Variants in ZNF91 observed in about 807,000 individuals in gnomAD.
The protein encoded by ZNF91 is zinc finger protein 91.
ZNF91 carries 7 observed loss-of-function variants against 12.6 expected under a neutral mutation model. That is an observed-to-expected ratio of 0.55 (90% confidence interval 0.31 to 1.04). ZNF91 has a LOEUF of 1.04. Ranked by LOEUF, ZNF91 falls within the 50% of genes least tolerant of loss-of-function variation. The pLI, the probability that ZNF91 is intolerant of heterozygous loss-of-function variation, is 0.05. For synonymous variants in ZNF91, 453 were observed against 462.6 expected (o/e 0.98, Z 0.27); for missense variants, 1,217 against 1,385.4 (o/e 0.88, Z 1.93).
intron 1 of ZNF91, among the ~76,000 whole-genome samples, chr19:23,317,238 C>T (rs1488952737): frequency 2.6e-5 from 4 of 151,974 alleles, no homozygotes; most frequent in African/African-American, 7.3e-5. Context: ...TTAGTAGAGA[C>T]GGGGTTTCAC....
At chr19:23,350,898 C>T (rs750631367) in intron 3 of ZNF91, among the ~76,000 whole-genome samples, 1 of 152,154 alleles carries the variant, frequency 6.6e-6, no homozygotes, top group Non-Finnish European at 1.5e-5. Flanking sequence ...CCTCAGCCCG[C>T]CTGCACCGAG....
At chr19:23,343,258 C>A (rs994129206) in intron 3 of ZNF91, among the ~76,000 whole-genome samples, 1 of 152,138 alleles carries the variant, frequency 6.6e-6, no homozygotes, top group African/African-American at 2.4e-5. Context: ...TATCAATGAG[C>A]TGCAGATTTT....
At chr19:23,384,469 C>G in intron 1 of ZNF91, 1 of 461,596 alleles carries the variant, frequency 2.2e-6, no homozygotes, top group Non-Finnish European at 3.4e-6. Flanking sequence ...GAAACATATA[C>G]CATCTGTGAA....
chr19:23,310,966 T>G (rs1416276475), upstream of ZNF91, among the ~76,000 whole-genome samples: 4 of 152,224 alleles, frequency 2.6e-5, no homozygotes, highest in African/African-American at 9.6e-5. Context: ...ACAGTAGGCA[T>G]TGTGACATAT....
At chr19:23,341,117 C>T (rs1032701450) in intron 3 of ZNF91, among the ~76,000 whole-genome samples, 5 of 147,562 alleles carry the variant, frequency 3.4e-5, no homozygotes, top group African/African-American at 1.2e-4. Context: ...GTGGTACGAT[C>T]TCAGCTCACT....
downstream of ZNF91, among the ~76,000 whole-genome samples, chr19:23,333,926 T>A (rs1258084279): frequency 6.6e-6 from 1 of 152,182 alleles, no homozygotes; most frequent in Non-Finnish European, 1.5e-5. Context: ...GGGAACCATT[T>A]TTTGATGCCC....
At chr19:23,347,752 G>A (rs2145019925) in intron 3 of ZNF91, among the ~76,000 whole-genome samples, 1 of 152,188 alleles carries the variant, frequency 6.6e-6, no homozygotes, top group Middle Eastern at 3.4e-3. Context: ...TGCTCTATCT[G>A]CCACTCAGTA....
intron 1 of ZNF91, chr19:23,328,053 T>G (rs1229825723): frequency 6.9e-6 from 1 of 145,258 alleles, no homozygotes; most frequent in Non-Finnish European, 1.6e-5. Context: ...ACCATTCCCA[T>G]TTTTTTTTTT....
chr19:23,362,805 A>C, intron 3 of ZNF91, 80 bp from the exon 4 acceptor site: 1 of 1,299,674 alleles, frequency 7.7e-7, no homozygotes, highest in South Asian at 2.8e-5. Context: ...TCTTACCTAC[A>C]AAATTATACA....
intron 3 of ZNF91, among the ~76,000 whole-genome samples, chr19:23,350,788 C>T (rs746288956): frequency 1.3e-5 from 2 of 152,056 alleles, no homozygotes; most frequent in East Asian, 1.9e-4. Context: ...GGAGGCTGTC[C>T]GGTACCATGT....
At chr19:23,344,219 C>A (rs567687332) in intron 3 of ZNF91, among the ~76,000 whole-genome samples, 1 of 152,038 alleles carries the variant, frequency 6.6e-6, no homozygotes, top group South Asian at 2.1e-4. Flanking sequence ...CTCAGCCTCC[C>A]GAGTAGCTGG....
intron 1 of ZNF91, among the ~76,000 whole-genome samples, chr19:23,310,203 G>A (rs1967450976): frequency 6.6e-6 from 1 of 152,034 alleles, no homozygotes; most frequent in African/African-American, 2.4e-5. Flanking sequence ...GGTGATAACA[G>A]AACATGTCTT....
intron 2 of ZNF91, chr19:23,307,679 C>G (rs1967415651): frequency 6.6e-6 from 1 of 152,174 alleles, no homozygotes; most frequent in Admixed American, 6.5e-5. Context: ...TGACTCTCTC[C>G]TTTTTCCTGA....
chr19:23,354,286 T>C (rs1226421776), downstream of ZNF91, among the ~76,000 whole-genome samples: 1 of 152,172 alleles, frequency 6.6e-6, no homozygotes, highest in Non-Finnish European at 1.5e-5. Context: ...GCTGATTTCA[T>C]ACCAGGTATG....
chr19:23,369,144 T>C (rs1394313003), intron 3 of ZNF91, among the ~76,000 whole-genome samples: 1 of 152,080 alleles, frequency 6.6e-6, no homozygotes, highest in Non-Finnish European at 1.5e-5. Flanking sequence ...ACCCTGTCTC[T>C]ACTAAAAATA....
At chr19:23,332,259 T>TAAAAA (rs1967940389) in intron 1 of ZNF91, among the ~76,000 whole-genome samples, 1 of 152,212 alleles carries the variant, frequency 6.6e-6, no homozygotes, top group Non-Finnish European at 1.5e-5. Flanking sequence ...TTAGCTTTTT[T>TAAAAA]ACATAGAAAC....
At chr19:23,330,717 C>G (rs1277366263) in intron 1 of ZNF91, among the ~76,000 whole-genome samples, 1 of 152,160 alleles carries the variant, frequency 6.6e-6, no homozygotes, top group Non-Finnish European at 1.5e-5. Flanking sequence ...AAAGCCCTCC[C>G]TACTCCTCAC....
At chr19:23,308,725 T>C (rs1967429721) in intron 2 of ZNF91, 1 of 152,240 alleles carries the variant, frequency 6.6e-6, no homozygotes, top group Non-Finnish European at 1.5e-5. Context: ...TTCTAGGTTA[T>C]GGGACTTTAT....
At chr19:23,312,813 T>C (rs1410463498), upstream of ZNF91, among the ~76,000 whole-genome samples, 2 of 152,184 alleles carry the variant, frequency 1.3e-5, no homozygotes, top group Non-Finnish European at 2.9e-5. Context: ...CCTAGGGTGA[T>C]ACATAGGTGA....
Sources: gnomAD v4.1 joint callset for allele counts (sites outside exome capture counted in the v4.1 genomes callset) on GRCh38, gnomAD v4.1.1 for gene constraint, MANE v1.5 for transcripts, NCBI Gene and HGNC (gene_info 2026-07-23, HGNC 2026-07-21) for gene names.